EEF1AKMT2: variants seen among roughly 807,000 people sequenced by gnomAD.
The protein encoded by EEF1AKMT2 is EEF1A lysine methyltransferase 2.
EEF1AKMT2 carries 32 observed loss-of-function variants against 35.8 expected under a neutral mutation model. That is an observed-to-expected ratio of 0.89 (90% confidence interval 0.67 to 1.20). The LOEUF (loss-of-function observed/expected upper bound fraction) is 1.20. EEF1AKMT2 is among the 50% of genes most tolerant of loss of function. The pLI, the probability that EEF1AKMT2 is intolerant of heterozygous loss-of-function variation, is 0.00. For synonymous variants in EEF1AKMT2, 121 were observed against 133.7 expected (o/e 0.91, Z 0.65); for missense variants, 330 against 347.5 (o/e 0.95, Z 0.40).
intron 5 of EEF1AKMT2, among the ~76,000 whole-genome samples, chr10:124,763,101 CT>C (rs1950346100): frequency 6.6e-6 from 1 of 152,016 alleles, no homozygotes; most frequent in African/African-American, 2.4e-5. Flanking sequence ...ATTTGAATTA[CT>C]TTTTCTTTTA....
At chr10:124,780,862 T>G (rs1457636085) in intron 3 of EEF1AKMT2, among the ~76,000 whole-genome samples, 1 of 151,464 alleles carries the variant, frequency 6.6e-6, no homozygotes, top group Non-Finnish European at 1.5e-5. Context: ...TAAAAGCATC[T>G]AGAAAAATGA....
intron 4 of EEF1AKMT2, among the ~76,000 whole-genome samples, chr10:124,770,621 T>A (rs1274877024): frequency 2.0e-5 from 3 of 152,216 alleles, no homozygotes; most frequent in African/African-American, 7.2e-5. Flanking sequence ...ATCGACTGAT[T>A]CTTCCTTTTA....
intron 2 of EEF1AKMT2, 122 bp downstream of exon 2, chr10:124,790,151 C>T: frequency 1.4e-6 from 1 of 701,318 alleles, no homozygotes. Flanking sequence ...CCTCGGCCTC[C>T]CAAAGTGCTG....
At chr10:124,791,602 C>T in intron 1 of EEF1AKMT2, 122 bp downstream of exon 1, 1 of 1,408,870 alleles carries the variant, frequency 7.1e-7, no homozygotes, top group Non-Finnish European at 9.6e-7. Context: ...GGTGGCCCTG[C>T]TCCCGTCACG....
At chr10:124,771,741 C>T (rs1275737408) in intron 4 of EEF1AKMT2, among the ~76,000 whole-genome samples, 3 of 151,878 alleles carry the variant, frequency 2.0e-5, no homozygotes, top group Admixed American at 1.3e-4. Context: ...TGGTGGCAGG[C>T]ACCTGTAGTC....
chr10:124,770,382 C>T (rs1252195945), intron 4 of EEF1AKMT2, among the ~76,000 whole-genome samples: 5 of 152,194 alleles, frequency 3.3e-5, no homozygotes, highest in African/African-American at 1.2e-4. Context: ...CACACCACTG[C>T]ACTTCAGCCT....
chr10:124,789,760 T>C (rs1188428031), intron 2 of EEF1AKMT2, among the ~76,000 whole-genome samples: 1 of 114,074 alleles, frequency 8.8e-6, no homozygotes, highest in African/African-American at 3.2e-5. Flanking sequence ...CCCACCTCTC[T>C]AAAAAAAAAA....
chr10:124,777,074 G>GT (rs1246874389), intron 3 of EEF1AKMT2, among the ~76,000 whole-genome samples: 5 of 151,900 alleles, frequency 3.3e-5, no homozygotes, highest in Admixed American at 6.6e-5. Context: ...GAGGTCAGGA[G>GT]TTTGAGACCA....
intron 4 of EEF1AKMT2, among the ~76,000 whole-genome samples, chr10:124,769,946 C>CAAAA (rs71484588): frequency 0.038 from 2,249 of 58,962 alleles, 120 homozygotes; most frequent in East Asian, 0.057. Flanking sequence ...AACTCCATCT[C>CAAAA]AAAAAAAAAA....
chr10:124,768,829 C>T (rs1212702585), intron 4 of EEF1AKMT2, among the ~76,000 whole-genome samples: 1 of 151,890 alleles, frequency 6.6e-6, no homozygotes, highest in African/African-American at 2.4e-5. Context: ...AATGGAGGGG[C>T]AAAATCAAAG....
At chr10:124,773,543 T>C (rs565533704) in intron 4 of EEF1AKMT2, among the ~76,000 whole-genome samples, 1 of 152,120 alleles carries the variant, frequency 6.6e-6, no homozygotes, top group South Asian at 2.1e-4. Flanking sequence ...CACTGTAAGG[T>C]TTTTAATTGG....
chr10:124,791,827 A>C lies in EEF1AKMT2; in HGVS notation c.7T>G (p.Ser3Ala), dbSNP rs1441871408. The change falls in exon 1 of 7, where the codon TCG becomes GCG. Residue 3 changes from serine to alanine, a missense_variant. Transcript: ENST00000368836. ...GCGCCACCGCCGCCGTCAGCGCCCG[A>C]GCTCATTTCGCTCCACGTCCTGGAC... MSSGADGGGGAAV... is the reference protein window; with the variant it reads MSAGADGGGGAAV... 1.9e-6 allele frequency: 3 copies of C among 1,578,428 alleles called. No homozygotes were observed. Among genetic ancestry groups the C allele is most frequent in the East Asian group, 2.3e-5 (1 of 43,328 alleles).
At chr10:124,760,756 C>T (rs530466363) in intron 6 of EEF1AKMT2, among the ~76,000 whole-genome samples, 7 of 152,366 alleles carry the variant, frequency 4.6e-5, no homozygotes, top group African/African-American at 1.4e-4. Flanking sequence ...AACAGGCTTT[C>T]CATCCACCTC....
At chr10:124,780,460 A>C (rs544595269) in intron 3 of EEF1AKMT2, among the ~76,000 whole-genome samples, 1 of 152,374 alleles carries the variant, frequency 6.6e-6, no homozygotes, top group African/African-American at 2.4e-5. Context: ...CATGTCAGCC[A>C]ATTGCAATGT....
chr10:124,779,041 G>A (rs369655955), intron 3 of EEF1AKMT2, among the ~76,000 whole-genome samples: 4 of 151,448 alleles, frequency 2.6e-5, no homozygotes, highest in African/African-American at 9.7e-5. Flanking sequence ...AATATTCTAC[G>A]CCACATATGC....
Position 124,762,429 on chromosome 10 carries a change from A to T in EEF1AKMT2, c.746T>A (p.Val249Glu), listed in dbSNP as rs1264876301. ...GCAAAACCTCGTCTCTGCTAAAAAT[A>T]CAAAAATTATCCAGGCATGATGATG... is the stretch of plus-strand genomic sequence containing the variant. ...GTHHHAWIIF[V>E]FLAETRFCHV... Residue 249 changes from valine (V) to glutamate (E), a missense_variant, in exon 6 of 7, where the codon GTA becomes GAA. By Grantham distance (121) the Val-to-Glu change is moderately radical. Coordinates refer to ENST00000368836, the MANE Select transcript of EEF1AKMT2 (RefSeq NM_212554.4). The T allele has an allele frequency of 2.3e-6, 3 of 1,300,952 alleles. No individual in the cohort carries two copies. The highest frequency in any genetic ancestry group is 3.0e-6 in the Non-Finnish European group (3 of 985,902). The allele number at this position is 1,300,952 out of a possible 1,614,324, so 80.6% of individuals were successfully genotyped here.
chr10:124,780,051 C>T (rs1268665127), intron 3 of EEF1AKMT2, among the ~76,000 whole-genome samples: 7 of 152,034 alleles, frequency 4.6e-5, no homozygotes, highest in East Asian at 3.8e-4. Flanking sequence ...CCAGCCTGGG[C>T]GACAGAGCAA....
intron 3 of EEF1AKMT2, among the ~76,000 whole-genome samples, chr10:124,788,063 T>C (rs1194890064): frequency 6.6e-6 from 1 of 152,224 alleles, no homozygotes; most frequent in Non-Finnish European, 1.5e-5. Flanking sequence ...TTAATCCTCA[T>C]GTCTGTCCAT....
chr10:124,771,132 C>A (rs1950430088), intron 4 of EEF1AKMT2, among the ~76,000 whole-genome samples: 1 of 151,250 alleles, frequency 6.6e-6, no homozygotes, highest in Non-Finnish European at 1.5e-5. Context: ...CAGAGTCTTG[C>A]TCTGTCGCCC....
Sources: allele counts gnomAD v4.1 joint callset (sites outside exome capture counted in the v4.1 genomes callset), GRCh38; gene constraint gnomAD v4.1.1; transcripts MANE v1.5; gene names NCBI Gene and HGNC (gene_info 2026-07-23, HGNC 2026-07-21).